Variants in ZFHX3 observed in about 807,000 individuals in gnomAD.
ZFHX3 encodes zinc finger homeobox protein 3.
Under a neutral mutation model 279.1 loss-of-function variants are expected in ZFHX3, and 42 were observed. That is an observed-to-expected ratio of 0.15 (90% CI 0.12 to 0.19). The LOEUF is 0.19. ZFHX3 is among the 10% of genes least tolerant of loss of function. The pLI is 1.00. For synonymous variants in ZFHX3, 2,293 were observed against 1,957.8 expected, an observed-to-expected ratio of 1.17 and a Z score of -4.52; for missense variants, 4,981 against 4,754.0, an observed-to-expected ratio of 1.05 and a Z score of -1.40.
chr16:73,403,052 A>C (rs1231680151), intron 3 of ZFHX3, among the ~76,000 whole-genome samples: 2 of 152,158 alleles, frequency 1.3e-5, no homozygotes, highest in African/African-American at 4.8e-5. Flanking sequence ...ACGTGTGTGC[A>C]TGTGTACACG....
At chr16:73,291,125 T>A (rs2014758080) in intron 4 of ZFHX3, among the ~76,000 whole-genome samples, 1 of 152,206 alleles carries the variant, frequency 6.6e-6, no homozygotes, top group Admixed American at 6.5e-5. Context: ...GTGAAGCTGA[T>A]GACCAAGTGC....
At chr16:73,823,345 A>C (rs1220187853) in intron 1 of ZFHX3, among the ~76,000 whole-genome samples, 3 of 152,122 alleles carry the variant, frequency 2.0e-5, no homozygotes, top group East Asian at 3.9e-4. Flanking sequence ...TTAGAGAGAC[A>C]AGATAGAGAC....
chr16:73,267,374 C>T (rs772781061), intron 4 of ZFHX3, among the ~76,000 whole-genome samples: 2 of 152,106 alleles, frequency 1.3e-5, no homozygotes, highest in African/African-American at 4.8e-5. Context: ...TATGATGGAA[C>T]AGCTAGGTTT....
intron 2 of ZFHX3, among the ~76,000 whole-genome samples, chr16:73,456,739 A>G (rs2018379040): frequency 1.3e-5 from 2 of 152,232 alleles, no homozygotes; most frequent in African/African-American, 2.4e-5. Context: ...AGTGGGATCC[A>G]GATGCACCTT....
At chr16:73,403,587 A>C (rs2017301216) in intron 3 of ZFHX3, among the ~76,000 whole-genome samples, 1 of 152,090 alleles carries the variant, frequency 6.6e-6, no homozygotes, top group Non-Finnish European at 1.5e-5. Context: ...GTGCTTTCTT[A>C]CTGGAAACAC....
At chr16:72,909,040 A>C (rs549817495) in intron 3 of ZFHX3, among the ~76,000 whole-genome samples, 1 of 152,332 alleles carries the variant, frequency 6.6e-6, no homozygotes, top group African/African-American at 2.4e-5. Flanking sequence ...TTTAGTTACC[A>C]TGAAACCAGG....
At chr16:73,550,129 G>A (rs984231369) in intron 2 of ZFHX3, among the ~76,000 whole-genome samples, 4 of 152,120 alleles carry the variant, frequency 2.6e-5, no homozygotes, top group Admixed American at 6.5e-5. Context: ...GCTGGTCTCC[G>A]AGGTGAGGCC....
intron 1 of ZFHX3, among the ~76,000 whole-genome samples, chr16:73,812,395 A>G (rs560541933): frequency 1.3e-5 from 2 of 152,034 alleles, no homozygotes; most frequent in Non-Finnish European, 1.5e-5. Context: ...TTGTCCTCCT[A>G]TATTTACCAC....
rs376021309 is a variant in ZFHX3, at chr16:73,868,894, A to G, written c.-1608+22757T>C. Among the ~76,000 whole-genome samples the G allele has an allele frequency of 1.1e-3, 169 of 152,256 alleles. 3 individuals are homozygous for G. Among genetic ancestry groups the G allele is most frequent in the African/African-American group, 3.9e-3 (163 of 41,558 alleles). On this transcript the variant is annotated intron_variant, in intron 1 of 17. Transcript: ENST00000641206. ...ATAATCTAAAGGCTTTAAAGCAGCTATTGACCTGCTTTTAAAATAGCATTT... is the reference window on the plus strand; with the variant it reads ...ATAATCTAAAGGCTTTAAAGCAGCTGTTGACCTGCTTTTAAAATAGCATTT...
intron 1 of ZFHX3, among the ~76,000 whole-genome samples, chr16:73,888,043 A>G (rs1298455931): frequency 6.6e-6 from 1 of 152,130 alleles, no homozygotes; most frequent in Non-Finnish European, 1.5e-5. Context: ...AGTGGATGCA[A>G]CGGGGCCCCT....
intron 2 of ZFHX3, among the ~76,000 whole-genome samples, chr16:73,479,672 C>T (rs1315941454): frequency 6.6e-6 from 1 of 152,106 alleles, no homozygotes; most frequent in East Asian, 1.9e-4. Context: ...GTCACCATGC[C>T]TCCTATATGG....
chr16:72,926,935 G>A (rs1271019600), intron 3 of ZFHX3, among the ~76,000 whole-genome samples: 2 of 152,186 alleles, frequency 1.3e-5, no homozygotes, highest in Non-Finnish European at 2.9e-5. Context: ...CCAGGTTTAC[G>A]AAATTTATAG....
chr16:73,799,360 T>C (rs1960081222), intron 1 of ZFHX3, among the ~76,000 whole-genome samples: 1 of 152,228 alleles, frequency 6.6e-6, no homozygotes, highest in Admixed American at 6.5e-5. Flanking sequence ...AATTCCCAAG[T>C]AGGCCCATAT....
rs76145568 is a variant in ZFHX3 at position 72,905,970 on chromosome 16, C to G, written c.3217-16008G>C. Among the ~76,000 whole-genome samples, 4 of 152,300 alleles carry G rather than the reference C, an allele frequency of 2.6e-5. No individual in the cohort carries two copies. The South Asian group carries it at 8.3e-4, about 32-fold the overall frequency. On this transcript the variant is annotated intron_variant, in intron 3 of 9. Coordinates refer to ENST00000268489, the MANE Select transcript of ZFHX3 (RefSeq NM_006885.4). ...TGGTTAAGGCTCTCACCTTCCTCTACTCTCCATTCTAGGACCTAGGAGGAA... is the reference window on the plus strand; with the variant it reads ...TGGTTAAGGCTCTCACCTTCCTCTAGTCTCCATTCTAGGACCTAGGAGGAA...
intron 2 of ZFHX3, chr16:73,500,053 C>T (rs542635154): frequency 5.9e-5 from 9 of 152,312 alleles, no homozygotes; most frequent in Non-Finnish European, 1.3e-4. Context: ...TTTACTATAA[C>T]TTGTGTCATT....
intron 1 of ZFHX3, among the ~76,000 whole-genome samples, chr16:73,791,885 C>T (rs1315034817): frequency 6.6e-6 from 1 of 152,192 alleles, no homozygotes; most frequent in South Asian, 2.1e-4. Context: ...TTGTCTTCTC[C>T]AGGCCTTTCA....
intron 1 of ZFHX3, among the ~76,000 whole-genome samples, chr16:73,038,348 G>A (rs960856108): frequency 6.6e-6 from 1 of 152,186 alleles, no homozygotes; most frequent in African/African-American, 2.4e-5. Flanking sequence ...CTTCTCAGCT[G>A]CAGCTGTGCA....
At chr16:73,101,334 G>A (rs1966228117) in intron 7 of ZFHX3, among the ~76,000 whole-genome samples, 1 of 152,150 alleles carries the variant, frequency 6.6e-6, no homozygotes, top group African/African-American at 2.4e-5. Context: ...TCATAAATTT[G>A]AGAACATTGT....
rs1209746441 is a variant in ZFHX3 at position 73,646,271 on chromosome 16, C to T, written c.-1547+33909G>A. ...GCTATGATAGATTGATACACATTTA[C>T]TGATATGTAAAGACAGTTGCAAAAT... On this transcript the variant is annotated intron_variant, in intron 2 of 17. Coordinates refer to the ZFHX3 transcript ENST00000641206. 2.0e-5 allele frequency among the ~76,000 whole-genome samples: 3 copies of T among 152,100 alleles called. No homozygotes were observed. In the East Asian group the frequency reaches 5.8e-4, roughly 29 times the overall value.
Sources: gnomAD v4.1 joint callset for allele counts (sites outside exome capture counted in the v4.1 genomes callset) on GRCh38, gnomAD v4.1.1 for gene constraint, MANE v1.5 for transcripts, NCBI Gene and HGNC (gene_info 2026-07-23, HGNC 2026-07-21) for gene names.